The following TENM2 variants were observed in gnomAD, a reference collection of about 807,000 sequenced individuals.
TENM2 encodes the protein teneurin transmembrane protein 2.
In TENM2, 52 loss-of-function variants were observed where a neutral mutation model predicts 245.2. That is an observed-to-expected ratio of 0.21 (90% CI 0.17 to 0.27). TENM2 has a LOEUF of 0.27. Ranked by LOEUF, TENM2 falls within the 10% of genes least tolerant of loss-of-function variation. TENM2 has a pLI of 1.00. For missense variants in TENM2, 3,046 were observed against 3,666.8 expected (o/e 0.83, Z 4.37); for synonymous variants, 1,363 against 1,438.9 (o/e 0.95, Z 1.19).
chr5:168,070,318 C>T lies in TENM2; in HGVS notation c.1515+8053C>T, dbSNP rs183389510. On this transcript the variant is annotated intron_variant, in intron 7 of 28. Transcript: ENST00000518659. The stretch of plus-strand genomic sequence containing the variant: ...AAAATAAACTTTTTGGCAGGGTTTC[C>T]TTTTCCAAGATAAAGTTCTAATCAA... Among the ~76,000 whole-genome samples the T allele has an allele frequency of 3.7e-3, 565 of 152,138 alleles. 4 individuals are homozygous for T. Among genetic ancestry groups the T allele is most frequent in the African/African-American group, 0.013 (538 of 41,520 alleles).
intron 5 of TENM2, among the ~76,000 whole-genome samples, chr5:168,002,634 G>T (rs10042104): frequency 0.051 from 7,722 of 152,294 alleles, 321 homozygotes; most frequent in African/African-American, 0.11. Context: ...GGAGTAGTGT[G>T]TTTAAACTTT....
intron 2 of TENM2, among the ~76,000 whole-genome samples, chr5:167,551,580 C>T (rs1460993022): frequency 6.6e-6 from 1 of 152,102 alleles, no homozygotes; most frequent in African/African-American, 2.4e-5. Flanking sequence ...ACCAATCTCT[C>T]TATATGGATA....
chr5:167,615,055 AT>A (rs1291593977), intron 2 of TENM2, among the ~76,000 whole-genome samples: 2 of 152,184 alleles, frequency 1.3e-5, no homozygotes, highest in African/African-American at 4.8e-5. Context: ...GGGTGAAATT[AT>A]AATTTATGAG....
At chr5:167,645,214 A>T (rs1363049728) in intron 2 of TENM2, among the ~76,000 whole-genome samples, 2 of 152,220 alleles carry the variant, frequency 1.3e-5, no homozygotes, top group African/African-American at 4.8e-5. Flanking sequence ...AATCTAAAGG[A>T]TGAGAAGTAC....
chr5:167,236,060 C>G, the TENM2 span, among the ~76,000 whole-genome samples: 1 of 152,160 alleles, frequency 6.6e-6, no homozygotes, highest in Non-Finnish European at 1.5e-5. Flanking sequence ...AATCTCTACT[C>G]AGGCAGCACC....
chr5:167,657,431 C>T (rs1754918758), intron 2 of TENM2, among the ~76,000 whole-genome samples: 1 of 152,192 alleles, frequency 6.6e-6, no homozygotes, highest in Admixed American at 6.5e-5. Flanking sequence ...GCAAACAGTG[C>T]TGCAATAAGC....
chr5:167,735,172 C>T (rs1406152756), intron 2 of TENM2, among the ~76,000 whole-genome samples: 1 of 152,160 alleles, frequency 6.6e-6, no homozygotes, highest in East Asian at 1.9e-4. Context: ...GCAGCCACAT[C>T]CAGTGTCTGA....
intron 1 of TENM2, among the ~76,000 whole-genome samples, chr5:167,353,500 G>GTTTTTTTTTTTTTTTTTTTTTTTTTTTT (rs59240930): frequency 1.3e-5 from 1 of 79,440 alleles, no homozygotes; most frequent in Non-Finnish European, 2.1e-5. Context: ...TGTTGTTGTT[G>GTTTTTTTTTTTTTTTTTTTTTTTTTTTT]TTTTTTTTTT....
the TENM2 span, among the ~76,000 whole-genome samples, chr5:166,980,871 T>G: frequency 6.6e-6 from 1 of 152,088 alleles, no homozygotes; most frequent in Non-Finnish European, 1.5e-5. Flanking sequence ...AGAGGGAAAA[T>G]GTTGTTATTC....
intron 2 of TENM2, among the ~76,000 whole-genome samples, chr5:167,587,866 G>T (rs1418593814): frequency 6.6e-6 from 1 of 152,092 alleles, no homozygotes; most frequent in African/African-American, 2.4e-5. Flanking sequence ...AGCATTACTG[G>T]GACTGGGAAA....
At chr5:167,853,306 A>AAAG (rs1770772672) in intron 2 of TENM2, among the ~76,000 whole-genome samples, 1 of 137,968 alleles carries the variant, frequency 7.2e-6, no homozygotes, top group Non-Finnish European at 1.6e-5. Context: ...AAAAAAAAAA[A>AAAG]AAAAAAGAAA....
chr5:167,064,397 C>CCATG, the TENM2 span, among the ~76,000 whole-genome samples: 1 of 152,210 alleles, frequency 6.6e-6, no homozygotes, highest in Non-Finnish European at 1.5e-5. Flanking sequence ...TATGCGTGAG[C>CCATG]CATGGGGCCC....
chr5:168,222,234 C>G (rs929969819), intron 23 of TENM2, among the ~76,000 whole-genome samples: 4 of 152,356 alleles, frequency 2.6e-5, no homozygotes, highest in Admixed American at 2.0e-4. Flanking sequence ...TTCTCCTGCT[C>G]TCTTCCCACC....
chr5:167,506,710 T>C (rs1582235117), intron 2 of TENM2, among the ~76,000 whole-genome samples: 1 of 152,166 alleles, frequency 6.6e-6, no homozygotes, highest in African/African-American at 2.4e-5. Context: ...GGTGACTCTT[T>C]AAAACTCTCA....
intron 2 of TENM2, among the ~76,000 whole-genome samples, chr5:167,710,094 G>A (rs1040326277): frequency 6.6e-6 from 1 of 152,132 alleles, no homozygotes; most frequent in Non-Finnish European, 1.5e-5. Flanking sequence ...AGAAAAAGAA[G>A]TAATGATTTA....
At chr5:168,047,539 T>A in exon 6 of TENM2, 1 of 1,551,754 alleles carries the variant, frequency 6.4e-7, no homozygotes, top group Non-Finnish European at 8.7e-7. Context: ...CAATGCCATC[T>A]GGAGGCAAAG....
chr5:167,978,958 G>GA (rs961665726), intron 4 of TENM2, among the ~76,000 whole-genome samples: 7 of 151,790 alleles, frequency 4.6e-5, no homozygotes, highest in African/African-American at 7.2e-5. Flanking sequence ...AAGGTGCCAG[G>GA]AAAAAAAATG....
At chr5:167,310,860 T>G (rs892291812) in intron 1 of TENM2, among the ~76,000 whole-genome samples, 1 of 152,174 alleles carries the variant, frequency 6.6e-6, no homozygotes, top group Non-Finnish European at 1.5e-5. Flanking sequence ...AGTAAATTAG[T>G]TTATACTAAA....
At chr5:167,890,823 G>A (rs1203037986) in intron 3 of TENM2, among the ~76,000 whole-genome samples, 2 of 152,106 alleles carry the variant, frequency 1.3e-5, no homozygotes, top group Non-Finnish European at 2.9e-5. Flanking sequence ...CACTGCTAAT[G>A]TCATTAACAA....
Sources: gnomAD v4.1 joint callset for allele counts (sites outside exome capture counted in the v4.1 genomes callset) on GRCh38, gnomAD v4.1.1 for gene constraint, MANE v1.5 for transcripts, NCBI Gene and HGNC (gene_info 2026-07-23, HGNC 2026-07-21) for gene names.